MOCOS: variants seen among roughly 807,000 people sequenced by gnomAD.
The protein encoded by MOCOS is human molybdenum cofactor sulfurase.
Under a neutral mutation model 83.6 loss-of-function variants are expected in MOCOS, and 86 were observed. That is an observed-to-expected ratio of 1.03 (90% confidence interval 0.86 to 1.23). MOCOS has a LOEUF of 1.23. Among genes scored for constraint, MOCOS ranks in the 50% most tolerant of loss-of-function variants. The pLI, the probability that MOCOS is intolerant of heterozygous loss-of-function variation, is 0.00. For missense variants in MOCOS, 1,120 were observed against 1,126.9 expected (o/e 0.99, Z 0.09); for synonymous variants, 445 against 434.7 (o/e 1.02, Z -0.29).
At chr18:36,234,735 T>G (rs1024727490) in intron 9 of MOCOS, among the ~76,000 whole-genome samples, 31 of 152,296 alleles carry the variant, frequency 2.0e-4, no homozygotes, top group African/African-American at 7.5e-4. Flanking sequence ...GACTGGGTAA[T>G]TTATAAAGGA....
At chr18:36,232,438 G>A (rs1005322815) in intron 9 of MOCOS, among the ~76,000 whole-genome samples, 1 of 152,076 alleles carries the variant, frequency 6.6e-6, no homozygotes, top group African/African-American at 2.4e-5. Flanking sequence ...TCAAATCAGT[G>A]TAATTATATA....
At chr18:36,233,409 C>T (rs750158415) in intron 9 of MOCOS, among the ~76,000 whole-genome samples, 16 of 152,056 alleles carry the variant, frequency 1.1e-4, no homozygotes, top group Non-Finnish European at 2.2e-4. Context: ...TGTATACCCA[C>T]ATCATATTTT....
chr18:36,196,758 C>A (rs943253617), intron 2 of MOCOS, among the ~76,000 whole-genome samples: 1 of 151,646 alleles, frequency 6.6e-6, no homozygotes, highest in Non-Finnish European at 1.5e-5. Context: ...AATGATGCAG[C>A]GCTAAAGCCA....
chr18:36,205,128 ACG>A lies in MOCOS; in HGVS notation c.1071_1072del (p.Val358GlyfsTer21). On this transcript the variant is annotated frameshift_variant, in exon 6 of 15. Coordinates refer to ENST00000261326, the MANE Select transcript of MOCOS (RefSeq NM_017947.4). LOFTEE classifies it high-confidence loss of function. ...ACCTTCACCTTGGCTCAGTATACCT[ACG>A]TGGCCCTGTCCTCTCTCCAGTACCC... The A allele has an allele frequency of 6.2e-7, 1 of 1,613,740 alleles. No individual in the cohort carries two copies. The highest frequency in any genetic ancestry group is 8.5e-7 in the Non-Finnish European group (1 of 1,179,830).
intron 9 of MOCOS, among the ~76,000 whole-genome samples, chr18:36,232,807 T>C (rs527431017): frequency 1.3e-5 from 2 of 152,066 alleles, no homozygotes; most frequent in South Asian, 2.1e-4. Flanking sequence ...TCCATGTTGC[T>C]GCAAATAACA....
At chr18:36,212,554 A>G (rs974201145) in intron 6 of MOCOS, among the ~76,000 whole-genome samples, 2 of 152,164 alleles carry the variant, frequency 1.3e-5, no homozygotes, top group Non-Finnish European at 2.9e-5. Context: ...AGGGTGAAGG[A>G]ACAGAATTGT....
intron 8 of MOCOS, among the ~76,000 whole-genome samples, chr18:36,217,405 A>G (rs931587997): frequency 6.6e-6 from 1 of 152,212 alleles, no homozygotes; most frequent in Non-Finnish European, 1.5e-5. Flanking sequence ...TGGCATCAGT[A>G]AATAATGTTA....
Position 36,269,037 on chromosome 18 carries a change from TG to T in MOCOS, c.*353del. ...TCCCTATTTTGCCATTTTCTCACAT[TG>T]TTACTTTGTTTTTAGAGAGCATCTT... On this transcript the variant is annotated 3_prime_UTR_variant, in exon 15 of 15. Coordinates refer to ENST00000261326, the MANE Select transcript of MOCOS (RefSeq NM_017947.4). 3.4e-6 allele frequency: 1 copy of T among 298,384 alleles called. No homozygotes were observed. The highest frequency in any genetic ancestry group is 3.5e-5 in the South Asian group (1 of 28,850). 18.5% of individuals were successfully genotyped at this position (298,384 alleles called of 1,614,324 possible). A position where few individuals can be genotyped will look rare whatever the true frequency, so the allele number is the denominator to read the frequency against.
intron 9 of MOCOS, among the ~76,000 whole-genome samples, chr18:36,243,631 G>T: frequency 6.6e-6 from 1 of 151,960 alleles, no homozygotes; most frequent in East Asian, 1.9e-4. Flanking sequence ...TGGCTTTATA[G>T]AATGATTTAG....
chr18:36,233,591 T>C (rs1210550921), intron 9 of MOCOS, among the ~76,000 whole-genome samples: 4 of 152,260 alleles, frequency 2.6e-5, no homozygotes, highest in Non-Finnish European at 5.9e-5. Flanking sequence ...GTTCTACTTT[T>C]AGTTCTTTAA....
chr18:36,234,682 G>T (rs2091551008), intron 9 of MOCOS, among the ~76,000 whole-genome samples: 1 of 152,016 alleles, frequency 6.6e-6, no homozygotes, highest in African/African-American at 2.4e-5. Context: ...CATTTGTATT[G>T]TTGTGTTAGC....
chr18:36,215,941 TTATCTC>T lies in MOCOS; in HGVS notation c.1766_1771del (p.Leu589_Tyr590del), dbSNP rs1207074443. On this transcript the variant is annotated inframe_deletion, in exon 8 of 15. Coordinates refer to ENST00000261326, the MANE Select transcript of MOCOS (RefSeq NM_017947.4). The stretch of plus-strand genomic sequence containing the variant: ...TTGGGCCACATGTTGTCACTAACCT[TTATCTC>T]TATCCAATCAAATCCTGTGCTGCAT... The T allele has an allele frequency of 1.3e-5, 21 of 1,613,806 alleles. No homozygotes were observed. Among genetic ancestry groups the T allele is most frequent in the East Asian group, 1.1e-4 (5 of 44,892 alleles).
At chr18:36,207,911 A>G (rs1033275685) in intron 6 of MOCOS, among the ~76,000 whole-genome samples, 1 of 151,986 alleles carries the variant, frequency 6.6e-6, no homozygotes, top group African/African-American at 2.4e-5. Flanking sequence ...TTCTTCTAGG[A>G]TTTTTATAGT....
intron 5 of MOCOS, among the ~76,000 whole-genome samples, chr18:36,204,469 A>G (rs1183156739): frequency 1.3e-5 from 2 of 152,242 alleles, no homozygotes; most frequent in Admixed American, 6.5e-5. Context: ...TTTAGAGGAA[A>G]AAACATACAT....
chr18:36,209,874 T>G (rs1006103032), intron 6 of MOCOS, among the ~76,000 whole-genome samples: 5 of 152,212 alleles, frequency 3.3e-5, no homozygotes, highest in African/African-American at 7.2e-5. Flanking sequence ...GCTAATTTTT[T>G]GGCATTTTTT....
At chr18:36,230,224 A>T (rs2091532906) in intron 9 of MOCOS, among the ~76,000 whole-genome samples, 1 of 152,048 alleles carries the variant, frequency 6.6e-6, no homozygotes, top group Admixed American at 6.6e-5. Flanking sequence ...CTGGGTTTAC[A>T]GCTGGTGTGC....
chr18:36,194,371 C>T (rs1352873945), intron 1 of MOCOS, among the ~76,000 whole-genome samples: 1 of 152,200 alleles, frequency 6.6e-6, no homozygotes, highest in Non-Finnish European at 1.5e-5. Context: ...ATTATATGTA[C>T]TTGAAAGTGT....
chr18:36,219,803 C>CTACT (rs1435694203), intron 8 of MOCOS, among the ~76,000 whole-genome samples: 1 of 152,196 alleles, frequency 6.6e-6, no homozygotes, highest in African/African-American at 2.4e-5. Context: ...CAGGCATTAC[C>CTACT]TACTTAAAAC....
At chr18:36,253,295 C>T (rs532959054) in intron 11 of MOCOS, among the ~76,000 whole-genome samples, 1 of 152,222 alleles carries the variant, frequency 6.6e-6, no homozygotes, top group South Asian at 2.1e-4. Flanking sequence ...AAGGTCTATG[C>T]GAAGGGCAGA....
Sources: allele counts gnomAD v4.1 joint callset (sites outside exome capture counted in the v4.1 genomes callset), GRCh38; gene constraint gnomAD v4.1.1; transcripts MANE v1.5; gene names NCBI Gene and HGNC (gene_info 2026-07-23, HGNC 2026-07-21).